The following OR56A3 variants were observed in gnomAD, a reference collection of about 807,000 sequenced individuals.
OR56A3 encodes the protein olfactory receptor 56A3.
In OR56A3, 23 loss-of-function variants were observed where a neutral mutation model predicts 17.5. That is an observed-to-expected ratio of 1.32 (90% confidence interval 0.95 to 1.87). OR56A3 has a LOEUF of 1.87. Among genes scored for constraint, OR56A3 ranks in the 40% most tolerant of loss-of-function variants. The pLI, the probability that OR56A3 is intolerant of heterozygous loss-of-function variation, is 0.00. For synonymous variants in OR56A3, 175 were observed against 150.6 expected, an observed-to-expected ratio of 1.16 and a Z score of -1.19; for missense variants, 366 against 380.1, an observed-to-expected ratio of 0.96 and a Z score of 0.31.
the OR56A3 span, among the ~76,000 whole-genome samples, chr11:5,962,521 C>G: frequency 6.8e-6 from 1 of 147,926 alleles, no homozygotes; most frequent in Non-Finnish European, 1.5e-5. Context: ...CCATCAGATT[C>G]TGGGCTTTTC....
chr11:5,995,988 T>C, the OR56A3 span, among the ~76,000 whole-genome samples: 1 of 152,328 alleles, frequency 6.6e-6, no homozygotes, highest in East Asian at 1.9e-4. Flanking sequence ...TCATGTGGTA[T>C]TTGTCTTTTT....
At chr11:5,994,958 G>C in the OR56A3 span, 1 of 729,740 alleles carries the variant, frequency 1.4e-6, no homozygotes, top group Non-Finnish European at 2.5e-6. Flanking sequence ...CAGACCCCCG[G>C]CCATCCCTGC....
chr11:5,978,977 GGTTTT>G, the OR56A3 span, among the ~76,000 whole-genome samples: 1 of 152,028 alleles, frequency 6.6e-6, no homozygotes, highest in Non-Finnish European at 1.5e-5. Context: ...ATGATTACAT[GGTTTT>G]GTTTTTAGTT....
chr11:5,986,191 G>T, the OR56A3 span: 2 of 1,613,784 alleles, frequency 1.2e-6, no homozygotes, highest in Non-Finnish European at 8.5e-7. Flanking sequence ...CTCACTCCCT[G>T]GTACCTTCAG....
chr11:5,986,259 C>A, the OR56A3 span: 1 of 1,613,932 alleles, frequency 6.2e-7, no homozygotes, highest in East Asian at 2.2e-5. Flanking sequence ...CCAGCCCAAT[C>A]ACAAGCAAGG....
the OR56A3 span, chr11:5,986,939 C>A: frequency 6.2e-7 from 1 of 1,609,852 alleles, no homozygotes; most frequent in East Asian, 2.2e-5. Flanking sequence ...ATGATTTCTG[C>A]ATTCCTGCTA....
At chr11:5,990,918 A>C in the OR56A3 span, among the ~76,000 whole-genome samples, 1 of 152,170 alleles carries the variant, frequency 6.6e-6, no homozygotes, top group Non-Finnish European at 1.5e-5. Flanking sequence ...GGGAATTTTC[A>C]TGAAGAGTTT....
At position 5,949,875 on chromosome 11, in the gene OR56A3, A is replaced by G. The variant is rs1437709280; in HGVS notation, c.*1581A>G. On this transcript the variant is annotated 3_prime_UTR_variant, in exon 3 of 3. Transcript: ENST00000641160. ...CATATAAGAAGCAATAGTTAAAAGCATATAATCAATAATTTAATTAGAAAT... is the reference window on the plus strand; with the variant it reads ...CATATAAGAAGCAATAGTTAAAAGCGTATAATCAATAATTTAATTAGAAAT... 1 of 152,228 alleles carries G rather than the reference A, an allele frequency of 6.6e-6. No individual in the cohort carries two copies. The highest frequency in any genetic ancestry group is 2.4e-5 in the African/African-American group (1 of 41,462). 9.4% of individuals were successfully genotyped at this position (152,228 alleles called of 1,614,324 possible).
chr11:6,016,084 T>A, the OR56A3 span, among the ~76,000 whole-genome samples: 1 of 152,052 alleles, frequency 6.6e-6, no homozygotes, highest in Non-Finnish European at 1.5e-5. Context: ...ATGAGGGTGG[T>A]TTCTCATGAA....
intron 1 of OR56A3, among the ~76,000 whole-genome samples, chr11:5,943,998 A>T (rs1847854484): frequency 6.6e-6 from 1 of 152,190 alleles, no homozygotes; most frequent in African/African-American, 2.4e-5. Flanking sequence ...TTTGTTCCAC[A>T]CTTACAAGTT....
At chr11:6,011,178 A>G in the OR56A3 span, among the ~76,000 whole-genome samples, 5 of 145,398 alleles carry the variant, frequency 3.4e-5, no homozygotes, top group African/African-American at 1.2e-4. Flanking sequence ...TGCAAACATA[A>G]CTGTGCTTTT....
chr11:5,971,432 T>C, the OR56A3 span, among the ~76,000 whole-genome samples: 4 of 152,238 alleles, frequency 2.6e-5, no homozygotes, highest in African/African-American at 7.2e-5. Context: ...CATCTACGAT[T>C]GTGCTTTACA....
chr11:5,966,207 CAAAAAA>C, the OR56A3 span, among the ~76,000 whole-genome samples: 1,950 of 63,970 alleles, frequency 0.03, 46 homozygotes, highest in African/African-American at 0.11. Flanking sequence ...CCCGTCTCTA[CAAAAAA>C]AAAAAAAAAA....
the OR56A3 span, chr11:5,986,049 C>T: frequency 6.2e-7 from 1 of 1,613,808 alleles, no homozygotes; most frequent in Non-Finnish European, 8.5e-7. Context: ...ACCGTGTGGC[C>T]AGAAGAACAT....
chr11:5,980,424 AT>A, the OR56A3 span, among the ~76,000 whole-genome samples: 69,062 of 151,940 alleles, frequency 0.45, 16,876 homozygotes, highest in East Asian at 0.64. Flanking sequence ...ACTCTTTATC[AT>A]TATGTAATGC....
chr11:6,016,610 A>G, the OR56A3 span, among the ~76,000 whole-genome samples: 2 of 152,202 alleles, frequency 1.3e-5, no homozygotes, highest in African/African-American at 4.8e-5. Flanking sequence ...TGAAAAAGCA[A>G]GAAAACATGA....
chr11:5,996,231 T>TA, the OR56A3 span, among the ~76,000 whole-genome samples: 252 of 152,328 alleles, frequency 1.7e-3, 1 homozygote, highest in Middle Eastern at 6.8e-3. Context: ...TGTGTGTATA[T>TA]ATATGTGTGT....
chr11:5,968,549 AGG>A, the OR56A3 span: 2 of 1,225,410 alleles, frequency 1.6e-6, no homozygotes, highest in Non-Finnish European at 2.3e-6. Flanking sequence ...GATAAGACAC[AGG>A]AATTAGAAAT....
the OR56A3 span, chr11:5,994,301 C>A: frequency 1.6e-6 from 1 of 644,814 alleles, no homozygotes; most frequent in Non-Finnish European, 2.9e-6. Flanking sequence ...TCAGCAGCTC[C>A]GACCTTGGCG....
Sources: allele counts gnomAD v4.1 joint callset (sites outside exome capture counted in the v4.1 genomes callset), GRCh38; gene constraint gnomAD v4.1.1; transcripts MANE v1.5; gene names NCBI Gene and HGNC (gene_info 2026-07-23, HGNC 2026-07-21).